Variants in CDIPT observed in about 807,000 individuals in gnomAD.
CDIPT encodes the protein PI synthase.
Under a neutral mutation model 21.6 loss-of-function variants are expected in CDIPT, and 17 were observed. The observed-to-expected ratio is 0.79, with a 90% CI of 0.54 to 1.18. CDIPT has a LOEUF of 1.18. CDIPT is among the 50% of genes most tolerant of loss of function. The pLI is 0.00. For synonymous variants in CDIPT, 119 were observed against 117.9 expected (o/e 1.01, Z -0.06); for missense variants, 254 against 284.9 (o/e 0.89, Z 0.78).
At position 29,859,579 on chromosome 16, in the gene CDIPT, G is replaced by GC. The variant is rs1034578987; in HGVS notation, c.415-57dup. The GC allele has an allele frequency of 6.3e-5, 72 of 1,146,606 alleles. No homozygotes were observed. The highest frequency in any genetic ancestry group is 7.9e-5 in the Non-Finnish European group (60 of 761,356). The allele number at this position is 1,146,606 out of a possible 1,614,324, so 71.0% of individuals were successfully genotyped here. A position where few individuals can be genotyped will look rare whatever the true frequency, so the allele number is the denominator to read the frequency against. ...AAGAGGCAGGCGTGTGCCACCCCCT[G>GC]CCCCCCCAGCACTAATGAAGGCACA... On this transcript the variant is annotated intron_variant, in intron 4 of 5. Coordinates refer to ENST00000219789, the MANE Select transcript of CDIPT (RefSeq NM_006319.5). This position sits in a 1 kb window ranked among gnomAD's most constrained non-coding sequence, Gnocchi z 4.5.
Position 29,859,114 on chromosome 16 carries a change from A to T in CDIPT, c.*75T>A. The T allele has an allele frequency of 6.8e-7, 1 of 1,467,810 alleles. No individual in the cohort carries two copies. The allele number at this position is 1,467,810 out of a possible 1,614,324, so 90.9% of individuals were successfully genotyped here. ...GGAAGGCGTGAGACTGGGACCTCCT[A>T]GCAGGGGGTGGGGAGCTGTGTGGCA... On this transcript the variant is annotated 3_prime_UTR_variant, in exon 6 of 6. Coordinates refer to ENST00000219789, the MANE Select transcript of CDIPT (RefSeq NM_006319.5). The surrounding 1 kb of genome is among the most constrained non-coding windows in gnomAD (Gnocchi z 4.5).
rs2067671783 is a variant in CDIPT at position 29,860,562 on chromosome 16, G to A, written c.414+19C>T. ...CACAGCCAAGAGCCTGAGGGGTGGG[G>A]TGTGCAGGAAATGCTTACCCTCGAG... On this transcript the variant is annotated intron_variant, in intron 4 of 5. Transcript: ENST00000219789. The A allele has an allele frequency of 6.6e-7, 1 of 1,523,958 alleles. No homozygotes were observed. Among genetic ancestry groups the A allele is most frequent in the Admixed American group, 1.7e-5 (1 of 59,656 alleles). 94.4% of individuals were successfully genotyped at this position (1,523,958 alleles called of 1,614,324 possible).
Position 29,858,922 on chromosome 16 carries a change from G to C in CDIPT, c.*267C>G, listed in dbSNP as rs1318249293. 4 of 508,228 alleles carry C rather than the reference G, an allele frequency of 7.9e-6. No homozygotes were observed. In the Admixed American group the frequency reaches 1.1e-4, roughly 14 times the overall value. 31.5% of individuals were successfully genotyped at this position (508,228 alleles called of 1,614,324 possible). A position where few individuals can be genotyped will look rare whatever the true frequency, so the allele number is the denominator to read the frequency against. The stretch of plus-strand genomic sequence containing the variant: ...CATCTCGGACCCCAGGACTGAGCAG[G>C]CAGGGTGTGACACTGCCCGGTCCCG... On this transcript the variant is annotated 3_prime_UTR_variant, in exon 6 of 6. Transcript: ENST00000219789.
rs778782497 is a variant in CDIPT, at chr16:29,862,941, C to T, written c.-84G>A. 3.9e-6 allele frequency: 6 copies of T among 1,521,888 alleles called. No individual in the cohort carries two copies. In the African/African-American group the frequency reaches 6.9e-5, roughly 17 times the overall value. The allele number at this position is 1,521,888 out of a possible 1,614,324, so 94.3% of individuals were successfully genotyped here. Reference sequence around the variant, plus strand: ...CCGCAGCGCGGCCTCAGCCTCCGGCCCGGCGCATCGGCCGCACCACCTGCG... The same window carrying T: ...CCGCAGCGCGGCCTCAGCCTCCGGCTCGGCGCATCGGCCGCACCACCTGCG... On this transcript the variant is annotated 5_prime_UTR_variant, in exon 1 of 6. Transcript: ENST00000219789. The surrounding 1 kb of genome is among the most constrained non-coding windows in gnomAD (Gnocchi z 6.7).
chr16:29,861,540 T>C lies in CDIPT; in HGVS notation c.179-281A>G, dbSNP rs1262307408. On this transcript the variant is annotated intron_variant, in intron 2 of 5. Coordinates refer to ENST00000219789, the MANE Select transcript of CDIPT (RefSeq NM_006319.5). ...CCAGAACCAAGACTCCAGGGCTAGATAGAGACTTGATGCCTCAGGGGAAGC... is the reference window on the plus strand; with the variant it reads ...CCAGAACCAAGACTCCAGGGCTAGACAGAGACTTGATGCCTCAGGGGAAGC... The C allele has an allele frequency of 5.2e-6, 8 of 1,525,202 alleles. No homozygotes were observed. The East Asian group carries it at 9.8e-5, about 19-fold the overall frequency. The allele number at this position is 1,525,202 out of a possible 1,614,324, so 94.5% of individuals were successfully genotyped here. A position where few individuals can be genotyped will look rare whatever the true frequency, so the allele number is the denominator to read the frequency against.
rs550469765 is a variant in CDIPT, at chr16:29,859,078, A to C, written c.*111T>G. On this transcript the variant is annotated 3_prime_UTR_variant, in exon 6 of 6. Coordinates refer to ENST00000219789, the MANE Select transcript of CDIPT (RefSeq NM_006319.5). This position sits in a 1 kb window ranked among gnomAD's most constrained non-coding sequence, Gnocchi z 4.5. Reference sequence around the variant, plus strand: ...GCTGACCCCCATCCCAGCAGGTAGAACAACACATGAGGAAGGCGTGAGACT... The same window carrying C: ...GCTGACCCCCATCCCAGCAGGTAGACCAACACATGAGGAAGGCGTGAGACT... 1.7e-6 allele frequency: 2 copies of C among 1,203,676 alleles called. No homozygotes were observed. The highest frequency in any genetic ancestry group is 2.9e-5 in the South Asian group (2 of 70,142). 74.6% of individuals were successfully genotyped at this position (1,203,676 alleles called of 1,614,324 possible).
chr16:29,862,930 C>T lies in CDIPT; in HGVS notation c.-73G>A. 6.4e-7 allele frequency: 1 copy of T among 1,564,414 alleles called. No homozygotes were observed. Among genetic ancestry groups the T allele is most frequent in the Non-Finnish European group, 8.8e-7 (1 of 1,137,736 alleles). On this transcript the variant is annotated 5_prime_UTR_variant, in exon 1 of 6. It removes the in-frame stop codon of an upstream open reading frame in the 5' UTR. Transcript: ENST00000219789. The surrounding 1 kb of genome is among the most constrained non-coding windows in gnomAD (Gnocchi z 6.7). ...CTGTCCCAGCCCCGCAGCGCGGCCT[C>T]AGCCTCCGGCCCGGCGCATCGGCCG...
chr16:29,860,618 G>A lies in CDIPT; in HGVS notation c.377C>T (p.Ser126Phe). The change falls in exon 4 of 6, where the codon TCC becomes TTC. Residue 126 changes from serine (S) to phenylalanine (F), a missense_variant. By Grantham distance (155) the Ser-to-Phe change is radical. Transcript: ENST00000219789. ...GSESHKMIDL[S>F]GNPVLRIYYT... is the part of the protein sequence containing the mutation. ...GTAGATCCGAAGCACCGGATTCCCGGACAAGTCGATCATCTTGTGACTCTC... is the reference window on the plus strand; with the variant it reads ...GTAGATCCGAAGCACCGGATTCCCGAACAAGTCGATCATCTTGTGACTCTC... 6.2e-7 allele frequency: 1 copy of A among 1,613,132 alleles called. No individual in the cohort carries two copies. The highest frequency in any genetic ancestry group is 8.5e-7 in the Non-Finnish European group (1 of 1,179,246).
In CDIPT at chr16:29,860,314, C is replaced by T. The variant is rs2067669356; in HGVS notation, c.414+267G>A. ...TCCTGGAATCAAGTCCACACTCCAG[C>T]CCTGCAGACCTCTCTGGCTTATCTC... is the stretch of plus-strand genomic sequence containing the variant. On this transcript the variant is annotated intron_variant, in intron 4 of 5. Coordinates refer to ENST00000219789, the MANE Select transcript of CDIPT (RefSeq NM_006319.5). 5.9e-5 allele frequency among the ~76,000 whole-genome samples: 9 copies of T among 152,350 alleles called. 1 individual carries two copies. The South Asian group carries it at 1.9e-3, about 32-fold the overall frequency.
rs1013742383 is a variant in CDIPT at position 29,862,631 on chromosome 16, G to A, written c.133C>T (p.Leu45=). The A allele has an allele frequency of 6.2e-7, 1 of 1,607,668 alleles. No homozygotes were observed. The highest frequency in any genetic ancestry group is 8.5e-7 in the Non-Finnish European group (1 of 1,177,058). Residue 45 remains leucine, a synonymous_variant, in exon 2 of 6, where the codon CTG becomes TTG. Coordinates refer to ENST00000219789, the MANE Select transcript of CDIPT (RefSeq NM_006319.5). This position sits in a 1 kb window ranked among gnomAD's most constrained non-coding sequence, Gnocchi z 6.7. ...TASSFYLLSG[L]LDAFDGHAAR... Reference sequence around the variant, plus strand: ...GCGTGTCCATCGAAAGCGTCCAGCAGGCCGCTGAGCAGGTAGAAGGAGGAG... The same window carrying A: ...GCGTGTCCATCGAAAGCGTCCAGCAAGCCGCTGAGCAGGTAGAAGGAGGAG...
chr16:29,859,562 G>A lies in CDIPT; in HGVS notation c.415-39C>T, dbSNP rs1196778542. ...AAACAGGCCACGTTAGCAAGAGGCA[G>A]GCGTGTGCCACCCCCTGCCCCCCCA... On this transcript the variant is annotated intron_variant, in intron 4 of 5. Transcript: ENST00000219789. This position sits in a 1 kb window ranked among gnomAD's most constrained non-coding sequence, Gnocchi z 4.5. 7.1e-7 allele frequency: 1 copy of A among 1,407,024 alleles called. No individual in the cohort carries two copies. Among genetic ancestry groups the A allele is most frequent in the African/African-American group, 1.4e-5 (1 of 70,994 alleles). The allele number at this position is 1,407,024 out of a possible 1,614,324, so 87.2% of individuals were successfully genotyped here. A position where few individuals can be genotyped will look rare whatever the true frequency, so the allele number is the denominator to read the frequency against.
Position 29,858,726 on chromosome 16 carries a change from C to G in CDIPT, c.*463G>C, listed in dbSNP as rs1225769731. 6.2e-6 allele frequency: 1 copy of G among 160,438 alleles called. No individual in the cohort carries two copies. The highest frequency in any genetic ancestry group is 1.4e-5 in the Non-Finnish European group (1 of 72,674). 9.9% of individuals were successfully genotyped at this position (160,438 alleles called of 1,614,324 possible). A position where few individuals can be genotyped will look rare whatever the true frequency, so the allele number is the denominator to read the frequency against. On this transcript the variant is annotated 3_prime_UTR_variant, in exon 6 of 6. Coordinates refer to ENST00000219789, the MANE Select transcript of CDIPT (RefSeq NM_006319.5). ...AACCAAGTCAAATAGTGAAGTCCCG[C>G]CAGGACCAGGGTAGGCAGGACAGAG...
In CDIPT at chr16:29,863,038, C is replaced by T. The variant is rs935330853; in HGVS notation, c.-181G>A. The T allele has an allele frequency of 9.8e-6, 7 of 716,758 alleles. No individual in the cohort carries two copies. 44.4% of individuals were successfully genotyped at this position (716,758 alleles called of 1,614,324 possible). A position where few individuals can be genotyped will look rare whatever the true frequency, so the allele number is the denominator to read the frequency against. On this transcript the variant is annotated 5_prime_UTR_variant, in exon 1 of 6. Coordinates refer to ENST00000219789, the MANE Select transcript of CDIPT (RefSeq NM_006319.5). ...AGCCGTCGGGAGCATGGACCGGCCC[C>T]GAGGTGCGCGGGACGCAGGGGGCGC...
At chr16:29,860,033 C>A (rs1339020963) in intron 4 of CDIPT, among the ~76,000 whole-genome samples, 1 of 151,916 alleles carries the variant, frequency 6.6e-6, no homozygotes, top group Non-Finnish European at 1.5e-5. Flanking sequence ...ATAAATAAAC[C>A]CTTGGTCTCA....
In CDIPT at chr16:29,859,243, C is replaced by T. The variant is rs769973367; in HGVS notation, c.588G>A (p.Thr196=). 1.4e-5 allele frequency: 23 copies of T among 1,595,186 alleles called. No individual in the cohort carries two copies. The highest frequency in any genetic ancestry group is 2.7e-5 in the African/African-American group (2 of 74,724). The change falls in exon 6 of 6, where the codon ACG becomes ACA. Residue 196 remains threonine (T), a synonymous_variant. Transcript: ENST00000219789. This position sits in a 1 kb window ranked among gnomAD's most constrained non-coding sequence, Gnocchi z 4.5. The part of the protein sequence containing the change: ...KSLISVIHLI[T]AARNMAALDA... ...CCAGGGCAGCCATGTTGCGGGCGGC[C>T]GTGATCAGGTGGATGACGCTGATGA...
At position 29,861,341 on chromosome 16, in the gene CDIPT, A is replaced by G. The variant is rs750411755; in HGVS notation, c.179-82T>C. The G allele has an allele frequency of 3.2e-6, 5 of 1,582,714 alleles. No individual in the cohort carries two copies. In the Admixed American group the frequency reaches 9.2e-5, roughly 29 times the overall value. ...CATATTTGGTTTATCACTCTGACGCAGGGTGTAAACGAAGACTGGAAGTGT... is the reference window on the plus strand; with the variant it reads ...CATATTTGGTTTATCACTCTGACGCGGGGTGTAAACGAAGACTGGAAGTGT... On this transcript the variant is annotated intron_variant, in intron 2 of 5. Transcript: ENST00000219789.
In CDIPT at chr16:29,859,279, C is replaced by A. The variant is rs865796989; in HGVS notation, c.552G>T (p.Leu184Phe). ...GGATGACGCTGATGAGCGACTTCAGCAAGGCGATGGGGGCAGTGACCCAGA... is the reference window on the plus strand; with the variant it reads ...GGATGACGCTGATGAGCGACTTCAGAAAGGCGATGGGGGCAGTGACCCAGA... The part of the protein sequence containing the change: ...MGLWVTAPIA[L>F]LKSLISVIHL... The change falls in exon 6 of 6, where the codon TTG becomes TTT. Residue 184 changes from leucine to phenylalanine, a missense_variant. Physicochemically the swap from Leu to Phe is conservative, Grantham distance 22. Transcript: ENST00000219789. The surrounding 1 kb of genome is among the most constrained non-coding windows in gnomAD (Gnocchi z 4.5). 6.3e-7 allele frequency: 1 copy of A among 1,580,552 alleles called. No individual in the cohort carries two copies. The highest frequency in any genetic ancestry group is 8.6e-7 in the Non-Finnish European group (1 of 1,163,414).
rs141858685 is a variant in CDIPT at position 29,861,786 on chromosome 16, T to G, written c.179-527A>C. The stretch of plus-strand genomic sequence containing the variant: ...TCTTGCTCTGTCGCCCAGGCTGGAG[T>G]GCAATGGCGCAATCTTGGCTCACTG... On this transcript the variant is annotated intron_variant, in intron 2 of 5. Coordinates refer to ENST00000219789, the MANE Select transcript of CDIPT (RefSeq NM_006319.5). The G allele has an allele frequency of 1.8e-3, 671 of 376,812 alleles. 1 individual carries two copies. The highest frequency in any genetic ancestry group is 2.0e-3 in the Non-Finnish European group (398 of 202,812). 23.3% of individuals were successfully genotyped at this position (376,812 alleles called of 1,614,324 possible).
chr16:29,859,595 T>A lies in CDIPT; in HGVS notation c.415-72A>T, dbSNP rs1412825969. ...CCACCCCCTGCCCCCCCAGCACTAA[T>A]GAAGGCACAATCTCGGCATATTACT... On this transcript the variant is annotated intron_variant, in intron 4 of 5. Transcript: ENST00000219789. This position sits in a 1 kb window ranked among gnomAD's most constrained non-coding sequence, Gnocchi z 4.5. 1 of 943,314 alleles carries A rather than the reference T, an allele frequency of 1.1e-6. No individual in the cohort carries two copies. Among genetic ancestry groups the A allele is most frequent in the Non-Finnish European group, 1.7e-6 (1 of 583,396 alleles). The allele number at this position is 943,314 out of a possible 1,614,324, so 58.4% of individuals were successfully genotyped here. A position where few individuals can be genotyped will look rare whatever the true frequency, so the allele number is the denominator to read the frequency against.
Sources: allele counts gnomAD v4.1 joint callset (sites outside exome capture counted in the v4.1 genomes callset), GRCh38; gene constraint gnomAD v4.1.1; non-coding constraint Gnocchi (gnomAD v3.1); transcripts MANE v1.5; gene names NCBI Gene and HGNC (gene_info 2026-07-23, HGNC 2026-07-21).